Variants in SH3KBP1 observed in about 807,000 individuals in gnomAD.
SH3KBP1 encodes SH3 domain containing kinase binding protein 1, also known as SH3 domain-containing kinase-binding protein 1.
In SH3KBP1, 8 loss-of-function variants were observed where a neutral mutation model predicts 50.1. That is an observed-to-expected ratio of 0.16 (90% CI 0.09 to 0.29). The LOEUF is 0.29. SH3KBP1 is among the 10% of genes least tolerant of loss of function. SH3KBP1 has a pLI of 1.00. For missense variants in SH3KBP1, 377 were observed against 535.2 expected (o/e 0.70, Z 2.92); for synonymous variants, 227 against 218.6 (o/e 1.04, Z -0.34).
chrX:19,718,260 T>C (rs2063963773), intron 3 of SH3KBP1, among the ~76,000 whole-genome samples: 1 of 111,360 alleles, frequency 9.0e-6, no homozygotes, highest in Non-Finnish European at 1.9e-5. Context: ...TCAACAAATG[T>C]TCATTAATAA....
intron 3 of SH3KBP1, among the ~76,000 whole-genome samples, chrX:19,710,544 G>C (rs904630765): frequency 8.9e-6 from 1 of 111,974 alleles, no homozygotes; most frequent in Non-Finnish European, 1.9e-5. Context: ...AAGAGAAAGA[G>C]AACACATTCC....
intron 1 of SH3KBP1, among the ~76,000 whole-genome samples, chrX:19,878,931 A>G (rs1360353348): frequency 8.9e-6 from 1 of 112,600 alleles, no homozygotes; most frequent in Non-Finnish European, 1.9e-5. Flanking sequence ...TATGCAAATT[A>G]TACATCAATA....
chrX:19,634,624 T>A, intron 7 of SH3KBP1, among the ~76,000 whole-genome samples: 1 of 111,292 alleles, frequency 9.0e-6, no homozygotes, highest in East Asian at 2.8e-4. Flanking sequence ...GAGGAACACT[T>A]GGAGGGGCCA....
At chrX:19,647,397 C>T (rs1009983392) in intron 6 of SH3KBP1, among the ~76,000 whole-genome samples, 1 of 111,700 alleles carries the variant, frequency 9.0e-6, no homozygotes, top group Non-Finnish European at 1.9e-5. Flanking sequence ...GAAAGTATTG[C>T]CCATCATCTT....
chrX:19,805,665 G>A (rs181987242), intron 2 of SH3KBP1, among the ~76,000 whole-genome samples: 87 of 110,457 alleles, frequency 7.9e-4, no homozygotes, highest in Non-Finnish European at 6.6e-4. Context: ...ACATAGCCAA[G>A]GCCACCCAGA....
At chrX:19,554,426 G>A (rs1191300118) in intron 13 of SH3KBP1, among the ~76,000 whole-genome samples, 1 of 74,245 alleles carries the variant, frequency 1.3e-5, no homozygotes, top group Admixed American at 1.5e-4. Context: ...TTTTGAGACA[G>A]AGTCTTGCTC....
chrX:19,702,789 G>A (rs1421338480), intron 4 of SH3KBP1, among the ~76,000 whole-genome samples: 2 of 112,116 alleles, frequency 1.8e-5, no homozygotes, highest in African/African-American at 6.5e-5. Context: ...CGCCATCTCT[G>A]TTCTTCCTAT....
intron 8 of SH3KBP1, among the ~76,000 whole-genome samples, chrX:19,630,082 A>T (rs1163901893): frequency 1.8e-5 from 2 of 112,341 alleles, no homozygotes; most frequent in Admixed American, 9.4e-5. Context: ...AAATGGAAGG[A>T]CTGGAGTATA....
At chrX:19,595,192 G>A (rs947597738) in intron 9 of SH3KBP1, among the ~76,000 whole-genome samples, 192 bp from the exon 10 acceptor site, 1 of 111,529 alleles carries the variant, frequency 9.0e-6, no homozygotes, top group Non-Finnish European at 1.9e-5. Flanking sequence ...AAATCCAGTC[G>A]GCAAAACAAA....
rs2064669698 is a variant in SH3KBP1, at chrX:19,534,901, T to A, written c.*1516A>T. On this transcript the variant is annotated 3_prime_UTR_variant, in exon 18 of 18. Transcript: ENST00000397821. ...TATTTGTAATACTATCAATGATCAG[T>A]AATGTGATTTTTTGTTTTTGCATCA... 3.4e-6 allele frequency: 1 copy of A among 296,354 alleles called. No individual in the cohort carries two copies. The highest frequency in any genetic ancestry group is 5.9e-6 in the Non-Finnish European group (1 of 170,204). The allele number at this position is 296,354 out of a possible 1,213,427, so 24.4% of individuals were successfully genotyped here.
chrX:19,554,775 A>G (rs1208098814), intron 13 of SH3KBP1, among the ~76,000 whole-genome samples: 1 of 112,386 alleles, frequency 8.9e-6, no homozygotes, highest in Non-Finnish European at 1.9e-5. Context: ...AACAGCTACC[A>G]AACCAAACTG....
chrX:19,807,453 G>C (rs1333320345), intron 2 of SH3KBP1, among the ~76,000 whole-genome samples: 2 of 110,794 alleles, frequency 1.8e-5, no homozygotes, highest in Non-Finnish European at 3.8e-5. Context: ...TGCTTGGATG[G>C]CTCTTAGCAA....
chrX:19,688,359 C>A (rs770570815), intron 5 of SH3KBP1, among the ~76,000 whole-genome samples: 1 of 111,738 alleles, frequency 8.9e-6, no homozygotes, highest in South Asian at 3.8e-4. Flanking sequence ...CCAAGGACAC[C>A]AGAAAACCCT....
chrX:19,600,305 G>A (rs768088153), intron 9 of SH3KBP1, among the ~76,000 whole-genome samples: 1 of 109,636 alleles, frequency 9.1e-6, no homozygotes, highest in African/African-American at 3.3e-5. Context: ...GGTTGCTTGA[G>A]CCCGGGAGGC....
At chrX:19,773,423 T>C (rs2148894291) in intron 2 of SH3KBP1, among the ~76,000 whole-genome samples, 1 of 110,451 alleles carries the variant, frequency 9.1e-6, no homozygotes, top group East Asian at 2.8e-4. Context: ...TGTGGGCTCA[T>C]ACTTCTGAAC....
chrX:19,542,954 A>C (rs999677940), intron 15 of SH3KBP1, among the ~76,000 whole-genome samples: 5 of 112,133 alleles, frequency 4.5e-5, no homozygotes, highest in Admixed American at 3.8e-4. Flanking sequence ...GAAAGGCTAA[A>C]GGGTTGGCAG....
chrX:19,687,589 A>G (rs2063194087), intron 5 of SH3KBP1: 1 of 1,152,138 alleles, frequency 8.7e-7, no homozygotes, highest in Admixed American at 2.2e-5. Context: ...TATCTTTACA[A>G]TTGCCTTCTG....
intron 3 of SH3KBP1, among the ~76,000 whole-genome samples, chrX:19,720,839 G>A (rs776187705): frequency 2.0e-4 from 22 of 111,488 alleles, no homozygotes; most frequent in Non-Finnish European, 3.0e-4. Flanking sequence ...GGATACTTCT[G>A]TCTTGCCTAA....
chrX:19,695,119 G>C lies in SH3KBP1; in HGVS notation c.520+493C>G, dbSNP rs1345427441. The C allele has an allele frequency of 3.2e-5, 30 of 949,098 alleles. No homozygotes were observed. The South Asian group carries it at 5.3e-4, about 17-fold the overall frequency. The allele number at this position is 949,098 out of a possible 1,213,427, so 78.2% of individuals were successfully genotyped here. A position where few individuals can be genotyped will look rare whatever the true frequency, so the allele number is the denominator to read the frequency against. ...AGGACACACATGCTCACCACCCAAG[G>C]TGGGACCTGGACTCTCAGTTGTCTT... On this transcript the variant is annotated intron_variant, in intron 5 of 17. Coordinates refer to ENST00000397821, the MANE Select transcript of SH3KBP1 (RefSeq NM_031892.3).
Sources: gnomAD v4.1 joint callset for allele counts (sites outside exome capture counted in the v4.1 genomes callset) on GRCh38, gnomAD v4.1.1 for gene constraint, MANE v1.5 for transcripts, NCBI Gene and HGNC (gene_info 2026-07-23, HGNC 2026-07-21) for gene names.